Variants in DAPP1 observed in about 807,000 individuals in gnomAD.
DAPP1 encodes dual adaptor of phosphotyrosine and 3-phosphoinositides 1, also known as dual adapter for phosphotyrosine and 3-phosphotyrosine and 3-phosphoinositide.
In DAPP1, 20 loss-of-function variants were observed where a neutral mutation model predicts 41.5. The ratio of observed to expected loss-of-function variants is 0.48; its 90% CI spans 0.34 to 0.70. The LOEUF is 0.70. Ranked by LOEUF, DAPP1 falls within the 30% of genes least tolerant of loss-of-function variation. DAPP1 has a pLI of 0.01. For missense variants in DAPP1, 233 were observed against 333.4 expected (o/e 0.70, Z 2.35); for synonymous variants, 113 against 116.2 (o/e 0.97, Z 0.18).
intron 3 of DAPP1, among the ~76,000 whole-genome samples, chr4:99,841,539 T>A (rs986254071): frequency 3.9e-5 from 6 of 152,244 alleles, no homozygotes; most frequent in Non-Finnish European, 7.3e-5. Flanking sequence ...AACAAGCAGT[T>A]GTTCCCATGA....
intron 3 of DAPP1, among the ~76,000 whole-genome samples, chr4:99,848,370 G>A (rs1723741931): frequency 6.6e-6 from 1 of 151,664 alleles, no homozygotes; most frequent in Non-Finnish European, 1.5e-5. Context: ...TGGGACTACA[G>A]ACGCATGCCA....
At chr4:99,852,345 A>C (rs998226710) in intron 3 of DAPP1, among the ~76,000 whole-genome samples, 7 of 152,210 alleles carry the variant, frequency 4.6e-5, no homozygotes, top group African/African-American at 1.7e-4. Context: ...AGCAAGAAGA[A>C]AAAAAATCCC....
At chr4:99,862,503 GAAT>G (rs1312182070) in intron 5 of DAPP1, among the ~76,000 whole-genome samples, 3 of 152,042 alleles carry the variant, frequency 2.0e-5, no homozygotes, top group Admixed American at 2.0e-4. Context: ...TGTAAGACAA[GAAT>G]AATAATACTG....
At chr4:99,830,369 C>A (rs1223504829) in intron 1 of DAPP1, among the ~76,000 whole-genome samples, 1 of 150,710 alleles carries the variant, frequency 6.6e-6, no homozygotes, top group Admixed American at 6.6e-5. Flanking sequence ...GGTGACAGAG[C>A]AAGACTCTAT....
At chr4:99,821,128 T>A (rs1722761561) in intron 1 of DAPP1, among the ~76,000 whole-genome samples, 1 of 152,358 alleles carries the variant, frequency 6.6e-6, no homozygotes, top group Non-Finnish European at 1.5e-5. Flanking sequence ...TCTCTGAGTG[T>A]CTGTGTTCAA....
intron 4 of DAPP1, 89 bp from the exon 5 acceptor site, chr4:99,861,489 C>T (rs1578190658): frequency 2.2e-6 from 3 of 1,341,710 alleles, no homozygotes; most frequent in Non-Finnish European, 3.1e-6. Context: ...CAAAAGCAAA[C>T]ATTCTTCATT....
In DAPP1 at chr4:99,816,909, C is replaced by A; in HGVS notation, c.-5C>A. On this transcript the variant is annotated 5_prime_UTR_variant, in exon 1 of 9. Coordinates refer to ENST00000512369, the MANE Select transcript of DAPP1 (RefSeq NM_014395.3). ...TCTCTCTCTCTACCTCTGTGAAGGG[C>A]GCGAATGGGCAGAGCAGAACTTCTA... 3 of 1,602,504 alleles carry A rather than the reference C, an allele frequency of 1.9e-6. No individual in the cohort carries two copies. In the South Asian group the frequency reaches 3.4e-5, roughly 18 times the overall value.
intron 3 of DAPP1, among the ~76,000 whole-genome samples, chr4:99,851,866 T>A (rs904515920): frequency 6.6e-6 from 1 of 151,974 alleles, no homozygotes; most frequent in Non-Finnish European, 1.5e-5. Flanking sequence ...TTTGTGTAGA[T>A]TTATCATTAA....
intron 3 of DAPP1, among the ~76,000 whole-genome samples, chr4:99,847,853 T>TA (rs769893268): frequency 2.0e-5 from 3 of 152,022 alleles, no homozygotes; most frequent in Non-Finnish European, 4.4e-5. Context: ...CTCACTCTGT[T>TA]GCCAGGCTGG....
chr4:99,838,464 C>T (rs370409823), intron 2 of DAPP1, among the ~76,000 whole-genome samples: 3 of 152,162 alleles, frequency 2.0e-5, no homozygotes, highest in African/African-American at 4.8e-5. Context: ...TGGTCCCCAA[C>T]CTTTTTGGCA....
At chr4:99,870,794 G>A (rs1724612427), downstream of DAPP1, among the ~76,000 whole-genome samples, 1 of 152,194 alleles carries the variant, frequency 6.6e-6, no homozygotes, top group Non-Finnish European at 1.5e-5. Context: ...TGGCCCACAG[G>A]AGCAGTTTTC....
intron 4 of DAPP1, 77 bp from the exon 5 acceptor site, chr4:99,861,500 TA>T: frequency 7.1e-7 from 1 of 1,408,590 alleles, no homozygotes; most frequent in Non-Finnish European, 9.8e-7. Context: ...ATTCTTCATT[TA>T]AAAATAGGAC....
chr4:99,853,199 A>G lies in DAPP1; in HGVS notation c.359-19A>G, dbSNP rs1723926424. On this transcript the variant is annotated intron_variant, in intron 3 of 8. Coordinates refer to ENST00000512369, the MANE Select transcript of DAPP1 (RefSeq NM_014395.3). ...TTCTGGGAACACTGTTCGATTATATATTTTTCATCTTCATTCAGGCACTCT... is the reference window on the plus strand; with the variant it reads ...TTCTGGGAACACTGTTCGATTATATGTTTTTCATCTTCATTCAGGCACTCT... The G allele has an allele frequency of 6.2e-7, 1 of 1,613,564 alleles. No homozygotes were observed. The highest frequency in any genetic ancestry group is 8.5e-7 in the Non-Finnish European group (1 of 1,179,676).
chr4:99,835,289 G>A (rs966363153), intron 1 of DAPP1, among the ~76,000 whole-genome samples: 2 of 152,130 alleles, frequency 1.3e-5, no homozygotes, highest in African/African-American at 2.4e-5. Flanking sequence ...GATTACAGGT[G>A]TGAGTCACCA....
At chr4:99,821,400 C>T (rs926513482) in intron 1 of DAPP1, among the ~76,000 whole-genome samples, 4 of 152,202 alleles carry the variant, frequency 2.6e-5, no homozygotes, top group Admixed American at 1.3e-4. Flanking sequence ...CAGAGCTTTC[C>T]ACTGCATGGT....
chr4:99,835,437 C>T (rs1257886651), intron 1 of DAPP1, among the ~76,000 whole-genome samples, 186 bp from the exon 2 acceptor site: 2 of 152,188 alleles, frequency 1.3e-5, no homozygotes, highest in Non-Finnish European at 2.9e-5. Flanking sequence ...TACTATTAGT[C>T]AACTCTGTGC....
At chr4:99,827,320 G>T (rs1343336112) in intron 1 of DAPP1, among the ~76,000 whole-genome samples, 2 of 151,976 alleles carry the variant, frequency 1.3e-5, no homozygotes, top group African/African-American at 4.8e-5. Context: ...GGATCACGAG[G>T]TCAGGAGATC....
chr4:99,820,173 AATC>A (rs1461467943), intron 1 of DAPP1, among the ~76,000 whole-genome samples: 1 of 152,114 alleles, frequency 6.6e-6, no homozygotes, highest in East Asian at 1.9e-4. Flanking sequence ...GGGTGTGGAG[AATC>A]AGGGGAGAGG....
chr4:99,848,661 T>G (rs1723754661), intron 3 of DAPP1, among the ~76,000 whole-genome samples: 1 of 152,210 alleles, frequency 6.6e-6, no homozygotes, highest in Non-Finnish European at 1.5e-5. Flanking sequence ...TCAATTGATG[T>G]GTCTGTCTTG....
Sources: gnomAD v4.1 joint callset for allele counts (sites outside exome capture counted in the v4.1 genomes callset) on GRCh38, gnomAD v4.1.1 for gene constraint, MANE v1.5 for transcripts, NCBI Gene and HGNC (gene_info 2026-07-23, HGNC 2026-07-21) for gene names.